The following PODXL variants were observed in gnomAD, a reference collection of about 807,000 sequenced individuals.
PODXL encodes podocalyxin.
Under a neutral mutation model 48.9 loss-of-function variants are expected in PODXL, and 20 were observed. That is an observed-to-expected ratio of 0.41 (90% CI 0.29 to 0.59). The LOEUF (loss-of-function observed/expected upper bound fraction) is 0.59, where lower values mean the gene tolerates loss of function less well. Ranked by LOEUF, PODXL falls within the 20% of genes least tolerant of loss-of-function variation. The pLI is 0.31. For synonymous variants in PODXL, 295 were observed against 287.4 expected, an observed-to-expected ratio of 1.03 and a Z score of -0.27; for missense variants, 606 against 675.1, an observed-to-expected ratio of 0.90 and a Z score of 1.13.
At position 131,524,379 on chromosome 7, in the gene PODXL, C is replaced by CACAGAGAGAGAG. The variant is rs746255906; in HGVS notation, c.101-12947_101-12946insCTCTCTCTCTGT. Among the ~76,000 whole-genome samples the CACAGAGAGAGAG allele has an allele frequency of 4.4e-3, 461 of 104,088 alleles. 2 individuals carry two copies. The highest frequency in any genetic ancestry group is 7.0e-3 in the Non-Finnish European group (311 of 44,410). 68.3% of individuals were successfully genotyped at this position (104,088 alleles called of 152,430 possible). On this transcript the variant is annotated intron_variant, in intron 1 of 8. Transcript: ENST00000378555. Reference sequence around the variant, plus strand: ...ACACACACGCACACACACACACACACAGAGAGAGAGAGAGAGAGAGAGAGA... The same window carrying CACAGAGAGAGAG: ...ACACACACGCACACACACACACACACACAGAGAGAGAGAGAGAGAGAGAGAGAGAGAGAGAGA...
chr7:131,512,795 T>C (rs1562905487), intron 1 of PODXL, among the ~76,000 whole-genome samples: 1 of 151,770 alleles, frequency 6.6e-6, no homozygotes, highest in African/African-American at 2.4e-5. Context: ...CTGGCCAATA[T>C]AGAGAAACCC....
intron 1 of PODXL, among the ~76,000 whole-genome samples, chr7:131,529,891 A>T (rs1798247477): frequency 6.7e-6 from 1 of 149,000 alleles, no homozygotes; most frequent in Admixed American, 6.6e-5. Flanking sequence ...CTGTGACAGC[A>T]GAGCCATCCT....
rs1797731640 is a variant in PODXL at position 131,502,905 on chromosome 7, C to G, written c.*1406G>C. 6.5e-6 allele frequency: 1 copy of G among 152,842 alleles called. No homozygotes were observed. Among genetic ancestry groups the G allele is most frequent in the Admixed American group, 6.5e-5 (1 of 15,280 alleles). The allele number at this position is 152,842 out of a possible 1,614,324, so 9.5% of individuals were successfully genotyped here. Reference sequence around the variant, plus strand: ...AACCGCAGCAGCCCCACTAGGCTCACAGAGAAGAGGAACAGCAAGGCCTAG... The same window carrying G: ...AACCGCAGCAGCCCCACTAGGCTCAGAGAGAAGAGGAACAGCAAGGCCTAG... On this transcript the variant is annotated 3_prime_UTR_variant, in exon 9 of 9. Coordinates refer to ENST00000378555, the MANE Select transcript of PODXL (RefSeq NM_001018111.3).
chr7:131,508,855 T>C, intron 5 of PODXL, 96 bp downstream of exon 5: 2 of 924,204 alleles, frequency 2.2e-6, no homozygotes, highest in East Asian at 4.8e-5. Flanking sequence ...TAGAAAGATG[T>C]TTAAAAATGC....
At chr7:131,506,863 G>T in intron 5 of PODXL, 137 bp from the exon 6 acceptor site, 1 of 854,344 alleles carries the variant, frequency 1.2e-6, no homozygotes, top group Non-Finnish European at 1.9e-6. Flanking sequence ...CCCAGCTGGT[G>T]CTCCACGCAG....
intron 1 of PODXL, among the ~76,000 whole-genome samples, chr7:131,527,085 T>C (rs1266114762): frequency 6.6e-6 from 1 of 152,164 alleles, no homozygotes; most frequent in Non-Finnish European, 1.5e-5. Context: ...GGGAGACAAG[T>C]ATGCATCACA....
At chr7:131,544,640 C>CACGCACGCCCTGTACT (rs1257999661) in intron 1 of PODXL, among the ~76,000 whole-genome samples, 1 of 16,674 alleles carries the variant, frequency 6.0e-5, no homozygotes, top group African/African-American at 7.2e-5. Flanking sequence ...AGGGCCTCCG[C>CACGCACGCCCTGTACT]ACGCACGCCC....
intron 2 of PODXL, 88 bp downstream of exon 2, chr7:131,510,740 G>C: frequency 6.6e-7 from 1 of 1,518,704 alleles, no homozygotes; most frequent in Non-Finnish European, 9.1e-7. Context: ...CCAAAGTGCT[G>C]GGATTACAAG....
At chr7:131,551,648 G>C (rs1219072440) in intron 1 of PODXL, among the ~76,000 whole-genome samples, 4 of 152,244 alleles carry the variant, frequency 2.6e-5, no homozygotes, top group African/African-American at 9.6e-5. Context: ...AAGAGTGAAG[G>C]GCTCTGAGCT....
chr7:131,506,687 A>C lies in PODXL; in HGVS notation c.1141T>G (p.Cys381Gly), dbSNP rs763446483. The C allele has an allele frequency of 4.3e-6, 7 of 1,614,080 alleles. No homozygotes were observed. The change falls in exon 6 of 9, where the codon TGC becomes GGC. Residue 381 changes from cysteine (C) to glycine (G), a missense_variant. Transcript: ENST00000378555. ...ASDEKLISLI[C>G]RAVKATFNPA... Reference sequence around the variant, plus strand: ...TTGAAGGTGGCTTTGACTGCTCGGCATATCAGTGAGATCAATTTCTCATCC... The same window carrying C: ...TTGAAGGTGGCTTTGACTGCTCGGCCTATCAGTGAGATCAATTTCTCATCC...
chr7:131,513,248 T>G (rs987815459), intron 1 of PODXL, among the ~76,000 whole-genome samples: 1 of 152,110 alleles, frequency 6.6e-6, no homozygotes, highest in Non-Finnish European at 1.5e-5. Flanking sequence ...GTAATCCAGA[T>G]GGAATGAACA....
intron 1 of PODXL, among the ~76,000 whole-genome samples, chr7:131,546,631 T>G (rs915324083): frequency 7.1e-6 from 1 of 140,306 alleles, no homozygotes; most frequent in African/African-American, 2.7e-5. Flanking sequence ...GAAGCCGAGG[T>G]GAGAGGATCG....
intron 1 of PODXL, among the ~76,000 whole-genome samples, chr7:131,545,414 C>T (rs1217026345): frequency 6.6e-6 from 1 of 152,230 alleles, no homozygotes; most frequent in Non-Finnish European, 1.5e-5. Context: ...GGTCTTTACG[C>T]AGGACTGTCT....
chr7:131,552,623 G>A (rs138985419), intron 1 of PODXL, among the ~76,000 whole-genome samples: 82 of 152,198 alleles, frequency 5.4e-4, no homozygotes, highest in African/African-American at 1.7e-3. Context: ...TTCTCTGGAC[G>A]ACCACACTCC....
intron 1 of PODXL, among the ~76,000 whole-genome samples, chr7:131,530,294 C>T (rs1376926951): frequency 3.3e-5 from 5 of 152,094 alleles, no homozygotes; most frequent in Non-Finnish European, 7.4e-5. Flanking sequence ...GGACCTGGGG[C>T]TGCTCTCTGT....
chr7:131,523,891 C>T (rs942548164), intron 1 of PODXL, among the ~76,000 whole-genome samples: 20 of 150,796 alleles, frequency 1.3e-4, no homozygotes, highest in Non-Finnish European at 2.4e-4. Context: ...CTCCGCCTCC[C>T]GGGTTCAAGC....
chr7:131,515,672 G>GGATT (rs1396353266), intron 1 of PODXL, among the ~76,000 whole-genome samples: 1 of 152,132 alleles, frequency 6.6e-6, no homozygotes, highest in Non-Finnish European at 1.5e-5. Context: ...CAAAGTGCAG[G>GGATT]GATTACAGAC....
At chr7:131,536,043 C>T (rs1212791531) in intron 1 of PODXL, among the ~76,000 whole-genome samples, 1 of 152,208 alleles carries the variant, frequency 6.6e-6, no homozygotes, top group African/African-American at 2.4e-5. Context: ...TAGGCATGAG[C>T]CACTGTGCTT....
intron 1 of PODXL, among the ~76,000 whole-genome samples, chr7:131,539,008 C>T (rs1384244120): frequency 6.6e-6 from 1 of 152,232 alleles, no homozygotes; most frequent in Admixed American, 6.5e-5. Flanking sequence ...AGCCAACACA[C>T]CAGCCAGCTG....
Sources: gnomAD v4.1 joint callset for allele counts (sites outside exome capture counted in the v4.1 genomes callset) on GRCh38, gnomAD v4.1.1 for gene constraint, MANE v1.5 for transcripts, NCBI Gene and HGNC (gene_info 2026-07-23, HGNC 2026-07-21) for gene names.